The following PXDNL variants were observed in gnomAD, a reference collection of about 807,000 sequenced individuals.
PXDNL encodes probable oxidoreductase PXDNL.
A neutral mutation model predicts 150.8 loss-of-function variants in PXDNL; 145 were observed. The observed-to-expected ratio is 0.96, with a 90% CI of 0.84 to 1.10. The LOEUF is 1.10. PXDNL is among the 50% of genes least tolerant of loss of function. The probability of loss-of-function intolerance (pLI) is 0.00; values close to 1 mark genes in which losing one functional copy is unlikely to be tolerated. For synonymous variants in PXDNL, 757 were observed against 725.7 expected (o/e 1.04, Z -0.69); for missense variants, 2,087 against 1,873.9 (o/e 1.11, Z -2.10).
intron 11 of PXDNL, among the ~76,000 whole-genome samples, chr8:51,448,646 G>C (rs1809735105): frequency 1.3e-5 from 2 of 152,102 alleles, no homozygotes; most frequent in Non-Finnish European, 1.5e-5. Flanking sequence ...CTTGCAGTGA[G>C]CCGAGATTGC....
chr8:51,724,682 G>A (rs1393025129), intron 1 of PXDNL, among the ~76,000 whole-genome samples: 1 of 152,154 alleles, frequency 6.6e-6, no homozygotes, highest in African/African-American at 2.4e-5. Context: ...ATGAGTAACA[G>A]GCTTTGTGTG....
chr8:51,430,632 G>A (rs1019153673), intron 12 of PXDNL, among the ~76,000 whole-genome samples: 3 of 150,410 alleles, frequency 2.0e-5, no homozygotes, highest in African/African-American at 7.3e-5. Flanking sequence ...TTTTACACTA[G>A]GGGCTGTGTC....
At chr8:51,638,694 C>T (rs1235306308) in intron 2 of PXDNL, among the ~76,000 whole-genome samples, 1 of 152,122 alleles carries the variant, frequency 6.6e-6, no homozygotes, top group African/African-American at 2.4e-5. Context: ...CACCCAGATT[C>T]ATGAAGCAAG....
intron 2 of PXDNL, among the ~76,000 whole-genome samples, chr8:51,627,921 TTC>T (rs1347383081): frequency 2.6e-5 from 4 of 152,154 alleles, no homozygotes; most frequent in African/African-American, 7.2e-5. Context: ...TTGTCTTCAT[TTC>T]ACTGAACTTA....
intron 4 of PXDNL, among the ~76,000 whole-genome samples, chr8:51,531,978 G>A (rs760521402): frequency 1.3e-5 from 2 of 152,234 alleles, no homozygotes; most frequent in African/African-American, 4.8e-5. Flanking sequence ...ACGGTTTAAT[G>A]TATACCTTCT....
chr8:51,696,948 C>G (rs896304196), intron 1 of PXDNL, among the ~76,000 whole-genome samples: 4 of 152,188 alleles, frequency 2.6e-5, no homozygotes, highest in Non-Finnish European at 5.9e-5. Flanking sequence ...CCAATAAACA[C>G]TAATAGATGC....
chr8:51,590,467 T>C (rs1485159510), intron 3 of PXDNL, among the ~76,000 whole-genome samples: 1 of 152,130 alleles, frequency 6.6e-6, no homozygotes, highest in South Asian at 2.1e-4. Context: ...CCAAGAGAAC[T>C]GAAGCATGGC....
intron 4 of PXDNL, among the ~76,000 whole-genome samples, chr8:51,506,149 A>G (rs1321535281): frequency 6.6e-6 from 1 of 152,212 alleles, no homozygotes; most frequent in Non-Finnish European, 1.5e-5. Flanking sequence ...AATTCATTAT[A>G]AAGAGAATTA....
At chr8:51,629,844 A>T (rs1814453466) in intron 2 of PXDNL, among the ~76,000 whole-genome samples, 1 of 152,088 alleles carries the variant, frequency 6.6e-6, no homozygotes, top group South Asian at 2.1e-4. Context: ...GAAAATGAAT[A>T]ATAAGATGGC....
At chr8:51,392,120 C>A (rs1807929629) in intron 17 of PXDNL, among the ~76,000 whole-genome samples, 1 of 152,156 alleles carries the variant, frequency 6.6e-6, no homozygotes, top group African/African-American at 2.4e-5. Flanking sequence ...GTACCAGTAC[C>A]ATGCTGTTTT....
intron 12 of PXDNL, among the ~76,000 whole-genome samples, chr8:51,440,358 A>G (rs1346204980): frequency 6.6e-6 from 1 of 152,088 alleles, no homozygotes; most frequent in Non-Finnish European, 1.5e-5. Context: ...GTGCACCAAA[A>G]TCTCAGAAAT....
chr8:51,595,653 T>C (rs963439475), intron 2 of PXDNL, among the ~76,000 whole-genome samples: 1 of 152,154 alleles, frequency 6.6e-6, no homozygotes, highest in Non-Finnish European at 1.5e-5. Context: ...AAAGTAAACA[T>C]AGTATGAAAC....
chr8:51,587,630 T>TATAA (rs796878062), intron 3 of PXDNL, among the ~76,000 whole-genome samples: 5 of 152,336 alleles, frequency 3.3e-5, no homozygotes, highest in African/African-American at 1.2e-4. Flanking sequence ...CCTTATGTAA[T>TATAA]ATAAATACTT....
At chr8:51,784,652 G>A (rs1220515453) in intron 1 of PXDNL, among the ~76,000 whole-genome samples, 1 of 152,070 alleles carries the variant, frequency 6.6e-6, no homozygotes, top group Non-Finnish European at 1.5e-5. Flanking sequence ...AAAAGACAAA[G>A]GAATGCCTGA....
At chr8:51,777,196 T>C (rs1313575495) in intron 1 of PXDNL, among the ~76,000 whole-genome samples, 1 of 152,220 alleles carries the variant, frequency 6.6e-6, no homozygotes, top group Non-Finnish European at 1.5e-5. Flanking sequence ...GAATACGAGT[T>C]CCAATCTTCC....
At chr8:51,651,144 C>T (rs1815024716) in intron 2 of PXDNL, among the ~76,000 whole-genome samples, 1 of 152,082 alleles carries the variant, frequency 6.6e-6, no homozygotes, top group African/African-American at 2.4e-5. Flanking sequence ...AATATTAATA[C>T]ATACATTAAC....
At chr8:51,491,120 T>C (rs1305246979) in intron 5 of PXDNL, among the ~76,000 whole-genome samples, 4 of 152,150 alleles carry the variant, frequency 2.6e-5, no homozygotes, top group Non-Finnish European at 5.9e-5. Context: ...CTGAGCTGCA[T>C]TCTTCTTGCC....
chr8:51,801,389 T>C (rs2037618965), intron 1 of PXDNL, among the ~76,000 whole-genome samples: 1 of 152,178 alleles, frequency 6.6e-6, no homozygotes, highest in Non-Finnish European at 1.5e-5. Flanking sequence ...AATTCTAATT[T>C]TGCCCTTTGC....
intron 2 of PXDNL, among the ~76,000 whole-genome samples, chr8:51,648,317 G>A (rs1814966662): frequency 6.6e-6 from 1 of 152,208 alleles, no homozygotes; most frequent in African/African-American, 2.4e-5. Flanking sequence ...CTTGAAATGG[G>A]ATTATTCAGA....
Sources: gnomAD v4.1 joint callset for allele counts (sites outside exome capture counted in the v4.1 genomes callset) on GRCh38, gnomAD v4.1.1 for gene constraint, MANE v1.5 for transcripts, NCBI Gene and HGNC (gene_info 2026-07-23, HGNC 2026-07-21) for gene names.